Variants in CRB1 observed in about 807,000 individuals in gnomAD.
CRB1 encodes crumbs cell polarity complex component 1.
A neutral mutation model predicts 120.0 loss-of-function variants in CRB1; 83 were observed. The ratio of observed to expected loss-of-function variants is 0.69; its 90% CI spans 0.58 to 0.83. CRB1 has a LOEUF of 0.83. Ranked by LOEUF, CRB1 falls within the 40% of genes least tolerant of loss-of-function variation. CRB1 has a pLI of 0.00. For synonymous variants in CRB1, 625 were observed against 612.5 expected, an observed-to-expected ratio of 1.02 and a Z score of -0.30; for missense variants, 1,699 against 1,687.6, an observed-to-expected ratio of 1.01 and a Z score of -0.12.
At chr1:197,313,366 T>C (rs1241168976) in intron 1 of CRB1, among the ~76,000 whole-genome samples, 1 of 152,232 alleles carries the variant, frequency 6.6e-6, no homozygotes, top group Non-Finnish European at 1.5e-5. Flanking sequence ...ATGTGATATT[T>C]TGATACATGT....
rs1664252439 is a variant in CRB1 at position 197,420,582 on chromosome 1, T to C, written c.1172-418T>C. Among the ~76,000 whole-genome samples, 3 of 152,206 alleles carry C rather than the reference T, an allele frequency of 2.0e-5. No individual in the cohort carries two copies. The South Asian group carries it at 6.2e-4, about 31-fold the overall frequency. On this transcript the variant is annotated intron_variant, in intron 5 of 11. Coordinates refer to ENST00000367400, the MANE Select transcript of CRB1 (RefSeq NM_201253.3). Reference sequence around the variant, plus strand: ...GCAAAATCACTGTTTCCAAGTAGAATAGAGTGAAATCTGCAGCCAGGGACA... The same window carrying C: ...GCAAAATCACTGTTTCCAAGTAGAACAGAGTGAAATCTGCAGCCAGGGACA...
At chr1:197,211,191 A>C in the CRB1 span, among the ~76,000 whole-genome samples, 1 of 152,302 alleles carries the variant, frequency 6.6e-6, no homozygotes, top group Non-Finnish European at 1.5e-5. Context: ...CTGCATTCTA[A>C]CAACACGTTA....
chr1:197,451,594 A>G (rs116624385), intron 11 of CRB1, among the ~76,000 whole-genome samples: 2,018 of 152,326 alleles, frequency 0.013, 26 homozygotes, highest in Non-Finnish European at 0.021. Context: ...ATTCAGAGCA[A>G]GGATGGGCTG....
intron 1 of CRB1, among the ~76,000 whole-genome samples, chr1:197,317,938 G>A (rs1372560405): frequency 1.3e-5 from 2 of 150,628 alleles, no homozygotes; most frequent in African/African-American, 4.9e-5. Flanking sequence ...CCTAGGTAAG[G>A]ATTTTTTTTT....
chr1:197,259,821 G>A, the CRB1 span, among the ~76,000 whole-genome samples: 1 of 152,070 alleles, frequency 6.6e-6, no homozygotes, highest in Admixed American at 6.6e-5. Flanking sequence ...AAACTATCTG[G>A]AAGATAAACT....
intron 1 of CRB1, among the ~76,000 whole-genome samples, chr1:197,297,269 C>G (rs916725246): frequency 1.3e-5 from 2 of 151,920 alleles, no homozygotes; most frequent in African/African-American, 4.8e-5. Context: ...TGATTATCTG[C>G]TCCTAATTGT....
chr1:197,439,421 T>C lies in CRB1; in HGVS notation c.3878+746T>C, dbSNP rs1020142532. On this transcript the variant is annotated intron_variant, in intron 10 of 11. Transcript: ENST00000367400. ...ACCATCTCTAATTCTTATAGCTCTGTAAAGAAGGTTTCATGATTTTTATTT... is the reference window on the plus strand; with the variant it reads ...ACCATCTCTAATTCTTATAGCTCTGCAAAGAAGGTTTCATGATTTTTATTT... The C allele has an allele frequency of 7.2e-5, 11 of 152,342 alleles. 1 individual carries two copies. The highest frequency in any genetic ancestry group is 2.6e-4 in the African/African-American group (11 of 41,580). 9.4% of individuals were successfully genotyped at this position (152,342 alleles called of 1,614,324 possible).
chr1:197,257,697 A>G, the CRB1 span, among the ~76,000 whole-genome samples: 895 of 152,250 alleles, frequency 5.9e-3, 9 homozygotes, highest in African/African-American at 0.018. Flanking sequence ...TACCACATAA[A>G]TACCGCTAAT....
At chr1:197,267,253 A>G (rs939146553), upstream of CRB1, among the ~76,000 whole-genome samples, 2 of 152,188 alleles carry the variant, frequency 1.3e-5, no homozygotes, top group Admixed American at 6.6e-5. Context: ...GCATGAGGGG[A>G]GGAAAAAATC....
chr1:197,463,387 G>A (rs557796407), intron 11 of CRB1, among the ~76,000 whole-genome samples: 14 of 152,180 alleles, frequency 9.2e-5, no homozygotes, highest in African/African-American at 3.4e-4. Context: ...CACACACTAA[G>A]CAAACATCAG....
intron 1 of CRB1, among the ~76,000 whole-genome samples, chr1:197,309,832 TACAC>T (rs1386917558): frequency 2.0e-5 from 3 of 152,084 alleles, no homozygotes; most frequent in Non-Finnish European, 2.9e-5. Flanking sequence ...AGATGAAGGT[TACAC>T]ACAGAGAACT....
chr1:197,332,170 C>A lies in CRB1; in HGVS notation c.652+3167C>A, dbSNP rs76526552. On this transcript the variant is annotated intron_variant, in intron 2 of 11. Transcript: ENST00000367400. ...AACAAAAAACAAAAAACAAAACAAA[C>A]AAAAAAAACAGCTAGAAAGAGTATA... is the stretch of plus-strand genomic sequence containing the variant. 9.0e-3 allele frequency among the ~76,000 whole-genome samples: 1,363 copies of A among 151,636 alleles called. 26 individuals are homozygous for A. Among genetic ancestry groups the A allele is most frequent in the African/African-American group, 0.032 (1,304 of 41,354 alleles).
intron 4 of CRB1, among the ~76,000 whole-genome samples, chr1:197,354,782 C>G (rs1382743980): frequency 3.9e-5 from 5 of 128,128 alleles, no homozygotes; most frequent in Non-Finnish European, 3.3e-5. Context: ...ACTGCTGGCT[C>G]CAGCAGCCTG....
At chr1:197,424,685 T>C (rs1371795383) in intron 6 of CRB1, among the ~76,000 whole-genome samples, 1 of 152,196 alleles carries the variant, frequency 6.6e-6, no homozygotes, top group Non-Finnish European at 1.5e-5. Context: ...TCACTTTGTA[T>C]CATTGTCACT....
chr1:197,271,450 A>C (rs922054477), intron 1 of CRB1, among the ~76,000 whole-genome samples: 1 of 152,182 alleles, frequency 6.6e-6, no homozygotes, highest in African/African-American at 2.4e-5. Context: ...ATATTAGAGC[A>C]GAGTTCAGGA....
intron 11 of CRB1, among the ~76,000 whole-genome samples, chr1:197,469,394 T>C (rs1666885349): frequency 6.6e-6 from 1 of 151,932 alleles, no homozygotes; most frequent in Admixed American, 6.6e-5. Context: ...ATAGATGAAT[T>C]ACCTAGGGAG....
intron 5 of CRB1, among the ~76,000 whole-genome samples, chr1:197,416,294 A>G (rs889436732): frequency 6.6e-5 from 10 of 152,250 alleles, no homozygotes; most frequent in African/African-American, 2.4e-4. Flanking sequence ...TTTCATATCT[A>G]AAGATGTTTC....
intron 11 of CRB1, among the ~76,000 whole-genome samples, chr1:197,459,992 A>T (rs1396317890): frequency 8.7e-6 from 1 of 115,102 alleles, no homozygotes; most frequent in Non-Finnish European, 1.8e-5. Context: ...TCTTGCTTTA[A>T]GCCCCCCTCT....
In CRB1 at chr1:197,427,599, C is replaced by T; in HGVS notation, c.2274C>T (p.Ser758=). 1.2e-6 allele frequency: 2 copies of T among 1,613,966 alleles called. No individual in the cohort carries two copies. Among genetic ancestry groups the T allele is most frequent in the Non-Finnish European group, 1.7e-6 (2 of 1,180,002 alleles). The change falls in exon 7 of 12, where the codon AGC becomes AGT. Residue 758 remains serine, a synonymous_variant. Coordinates refer to ENST00000367400, the MANE Select transcript of CRB1 (RefSeq NM_201253.3). The part of the protein sequence containing the change: ...PSGLLLALEN[S]TYQYIRVWLE... ...GCTTACTTCTAGCTTTGGAAAACAG[C>T]ACTTATCAATATATCCGTGTCTGGC...
Sources: allele counts gnomAD v4.1 joint callset (sites outside exome capture counted in the v4.1 genomes callset), GRCh38; gene constraint gnomAD v4.1.1; transcripts MANE v1.5; gene names NCBI Gene and HGNC (gene_info 2026-07-23, HGNC 2026-07-21).